The following IRF3 variants were observed in gnomAD, a reference collection of about 807,000 sequenced individuals.
The protein encoded by IRF3 is interferon regulatory factor 3.
Under a neutral mutation model 43.2 loss-of-function variants are expected in IRF3, and 29 were observed. The observed-to-expected ratio is 0.67, with a 90% CI of 0.50 to 0.91. The LOEUF (loss-of-function observed/expected upper bound fraction) is 0.91. Among genes scored for constraint, IRF3 ranks in the 40% least tolerant of loss-of-function variants. The probability of loss-of-function intolerance (pLI) is 0.00; values close to 1 mark genes in which losing one functional copy is unlikely to be tolerated. For missense variants in IRF3, 505 were observed against 559.1 expected, an observed-to-expected ratio of 0.90 and a Z score of 0.98; for synonymous variants, 228 against 233.9, an observed-to-expected ratio of 0.97 and a Z score of 0.23.
intron 4 of IRF3, 61 bp from the exon 5 acceptor site, chr19:49,662,678 T>C: frequency 7.4e-7 from 1 of 1,352,236 alleles, no homozygotes; most frequent in Non-Finnish European, 1.0e-6. Flanking sequence ...AGACTTCATA[T>C]GGACCAGGTC....
At position 49,659,573 on chromosome 19, in the gene IRF3, C is replaced by A; in HGVS notation, c.*75G>T. ...CCAACACCAGACACGCACAAGTGAT[C>A]ATAGCAGGAACCAGTTTATTGGTTG... On this transcript the variant is annotated 3_prime_UTR_variant, in exon 8 of 8. Coordinates refer to ENST00000377139, the MANE Select transcript of IRF3 (RefSeq NM_001571.6). The A allele has an allele frequency of 6.5e-7, 1 of 1,544,440 alleles. No homozygotes were observed. The highest frequency in any genetic ancestry group is 8.7e-7 in the Non-Finnish European group (1 of 1,143,662).
chr19:49,661,418 A>C (rs2081322392), intron 6 of IRF3: 1 of 156,318 alleles, frequency 6.4e-6, no homozygotes, highest in African/African-American at 2.4e-5. Context: ...TAATTCCCTG[A>C]GCAGGCTCTG....
At chr19:49,665,460 T>C in intron 1 of IRF3, 171 bp downstream of exon 1, 1 of 201,046 alleles carries the variant, frequency 5.0e-6, no homozygotes. Flanking sequence ...CCTCCCTACT[T>C]TTTCTAGTTT....
Position 49,662,471 on chromosome 19 carries a change from C to T in IRF3, c.555G>A (p.Leu185=), listed in dbSNP as rs748054650. 1.3e-5 allele frequency: 21 copies of T among 1,592,436 alleles called. No homozygotes were observed. The African/African-American group carries it at 2.4e-4, about 18-fold the overall frequency. ...GCTTCAGTGGGTTCTCAGAGGGCCC[C>T]AGGTTTGGGAAGGGAGTGGGATTGT... ...SLDNPTPFPN[L]GPSENPLKRL... is the part of the protein sequence containing the mutation. The change falls in exon 5 of 8, where the codon CTG becomes CTA. Residue 185 remains leucine (L), a synonymous_variant. Coordinates refer to ENST00000377139, the MANE Select transcript of IRF3 (RefSeq NM_001571.6).
rs571354251 is a variant in IRF3 at position 49,665,639 on chromosome 19, G to C, written c.-17C>G. 1.4e-6 allele frequency: 1 copy of C among 717,600 alleles called. No individual in the cohort carries two copies. The highest frequency in any genetic ancestry group is 2.9e-5 in the Admixed American group (1 of 33,934). The allele number at this position is 717,600 out of a possible 1,614,324, so 44.5% of individuals were successfully genotyped here. ...GGGCTCTTCCGCGTTACCTACGATGGAAGGTCGGGGCGTGCGGGCAGCTGG... is the reference window on the plus strand; with the variant it reads ...GGGCTCTTCCGCGTTACCTACGATGCAAGGTCGGGGCGTGCGGGCAGCTGG... On this transcript the variant is annotated 5_prime_UTR_variant, in exon 1 of 8. Coordinates refer to ENST00000377139, the MANE Select transcript of IRF3 (RefSeq NM_001571.6).
At position 49,665,642 on chromosome 19, in the gene IRF3, G is replaced by A. The variant is rs1037911628; in HGVS notation, c.-20C>T. On this transcript the variant is annotated 5_prime_UTR_variant, in exon 1 of 8. Coordinates refer to ENST00000377139, the MANE Select transcript of IRF3 (RefSeq NM_001571.6). ...CTCTTCCGCGTTACCTACGATGGAA[G>A]GTCGGGGCGTGCGGGCAGCTGGAAC... 6.5e-5 allele frequency: 48 copies of A among 735,826 alleles called. No individual in the cohort carries two copies. The highest frequency in any genetic ancestry group is 3.1e-4 in the South Asian group (16 of 51,786). The allele number at this position is 735,826 out of a possible 1,614,324, so 45.6% of individuals were successfully genotyped here.
Position 49,665,753 on chromosome 19 carries a change from G to C in IRF3, c.-131C>G, listed in dbSNP as rs1400814511. 1 of 1,531,288 alleles carries C rather than the reference G, an allele frequency of 6.5e-7. No homozygotes were observed. Among genetic ancestry groups the C allele is most frequent in the Non-Finnish European group, 8.8e-7 (1 of 1,135,296 alleles). 94.9% of individuals were successfully genotyped at this position (1,531,288 alleles called of 1,614,324 possible). On this transcript the variant is annotated 5_prime_UTR_variant, in exon 1 of 8. Coordinates refer to ENST00000377139, the MANE Select transcript of IRF3 (RefSeq NM_001571.6). ...GTCAGCTGAGCTCTAGAGCGCTGGG[G>C]CTTTCTTTTTGATCGACTTCTTGAA...
rs774859762 is a variant in IRF3, at chr19:49,660,795, G to T, written c.1016C>A (p.Ser339Ter). 1.2e-6 allele frequency: 2 copies of T among 1,608,942 alleles called. No individual in the cohort carries two copies. Among genetic ancestry groups the T allele is most frequent in the Non-Finnish European group, 1.7e-6 (2 of 1,178,012 alleles). The stretch of plus-strand genomic sequence containing the variant: ...ACAGAACCAGAGGGCATAGCGTGGT[G>T]AGCGTCCGCTTCCTTCCGTGAAGGT... ...LITFTEGSGR[S>*]PRYALWFCVG... The change falls in exon 7 of 8, where the codon TCA becomes TAA. Residue 339 changes from serine to a stop codon, truncating the protein, a stop_gained. Transcript: ENST00000377139. LOFTEE classifies it high-confidence loss of function.
Position 49,665,832 on chromosome 19 carries a change from G to C in IRF3, c.-210C>G, listed in dbSNP as rs755216778. 2.5e-6 allele frequency: 4 copies of C among 1,590,730 alleles called. No individual in the cohort carries two copies. In the South Asian group the frequency reaches 4.4e-5, roughly 18 times the overall value. On this transcript the variant is annotated 5_prime_UTR_variant, in exon 1 of 8. Coordinates refer to ENST00000377139, the MANE Select transcript of IRF3 (RefSeq NM_001571.6). ...AACAGACCCAAAAGCCGATGGGACG[G>C]CCCGCTGGGCTGTTCCCGCCCCTAT...
At chr19:49,664,182 C>T (rs1192866862) in intron 2 of IRF3, among the ~76,000 whole-genome samples, 4 of 152,158 alleles carry the variant, frequency 2.6e-5, no homozygotes, top group African/African-American at 9.7e-5. Context: ...CCTTTTCTTT[C>T]TAAGCCAGGC....
Position 49,659,612 on chromosome 19 carries a change from CAG to C in IRF3, c.*34_*35del, listed in dbSNP as rs1491168519. 220 of 1,588,060 alleles carry C rather than the reference CAG, an allele frequency of 1.4e-4. No homozygotes were observed. In the African/African-American group the frequency reaches 2.4e-3, roughly 18 times the overall value. ...GTTTATTGGTTGAGGTGGTGGGGAACAGGGGGGTTGGAGGCACACCATGAGGA... is the reference window on the plus strand; with the variant it reads ...GTTTATTGGTTGAGGTGGTGGGGAACGGGGGTTGGAGGCACACCATGAGGA... On this transcript the variant is annotated 3_prime_UTR_variant, in exon 8 of 8. Coordinates refer to ENST00000377139, the MANE Select transcript of IRF3 (RefSeq NM_001571.6).
chr19:49,661,029 C>A, intron 6 of IRF3: 1 of 574,906 alleles, frequency 1.7e-6, no homozygotes, highest in Non-Finnish European at 3.1e-6. Context: ...GAAGGCCACA[C>A]CCCCAAGCCC....
intron 1 of IRF3, 25 bp from the exon 2 acceptor site, chr19:49,664,871 G>A (rs2081586692): frequency 1.3e-6 from 2 of 1,592,672 alleles, no homozygotes; most frequent in Non-Finnish European, 8.6e-7. Flanking sequence ...CATTTCCTGG[G>A]CGCGACCGGC....
rs758520295 is a variant in IRF3, at chr19:49,662,077, G to A, written c.853C>T (p.Arg285Trp). 3.7e-6 allele frequency: 6 copies of A among 1,613,700 alleles called. No homozygotes were observed. The highest frequency in any genetic ancestry group is 2.5e-6 in the Non-Finnish European group (3 of 1,179,792). Residue 285 changes from arginine (R) to tryptophan (W), a missense_variant, in exon 6 of 8, where the codon CGG (arginine) becomes TGG (tryptophan). Transcript: ENST00000377139. ...CAGTATGTGTGGCAGTGCCCCAGCC[G>A]CTGGGCCCAGAGCCACTGCCCGGCC... ...WRAGQWLWAQ[R>W]LGHCHTYWAV...
intron 2 of IRF3, 123 bp downstream of exon 2, chr19:49,664,551 A>G: frequency 7.1e-7 from 1 of 1,399,930 alleles, no homozygotes; most frequent in Non-Finnish European, 9.5e-7. Flanking sequence ...AGCCCCACCC[A>G]CCAGCGTTGG....
chr19:49,663,559 A>C, intron 2 of IRF3, 45 bp from the exon 3 acceptor site: 1 of 1,595,626 alleles, frequency 6.3e-7, no homozygotes, highest in Non-Finnish European at 8.6e-7. Context: ...GACGACTTAG[A>C]TCCTGCTCCT....
chr19:49,660,020 C>CAG (rs1011823705), intron 7 of IRF3, among the ~76,000 whole-genome samples, 187 bp from the exon 8 acceptor site: 2 of 121,646 alleles, frequency 1.6e-5, no homozygotes, highest in Non-Finnish European at 3.3e-5. Flanking sequence ...CACACACACA[C>CAG]ACACACACCC....
At position 49,662,125 on chromosome 19, in the gene IRF3, C is replaced by T. The variant is rs775493705; in HGVS notation, c.805G>A (p.Gly269Ser). ...GCCCGCCAGAGAGCCAGTCCCCCAC[C>T]CAGGCAGCTCAGCACATGCCTCACG... ...SYVRHVLSCL[G>S]GGLALWRAGQ... is the part of the protein sequence containing the mutation. Residue 269 changes from glycine (G) to serine (S), a missense_variant, in exon 6 of 8, where the codon GGT (glycine) becomes AGT (serine). Gly to Ser is a moderately conservative substitution (Grantham distance 56). Transcript: ENST00000377139. The T allele has an allele frequency of 5.6e-6, 9 of 1,613,854 alleles. No homozygotes were observed. The East Asian group carries it at 1.8e-4, about 32-fold the overall frequency.
intron 7 of IRF3, among the ~76,000 whole-genome samples, 189 bp from the exon 8 acceptor site, chr19:49,660,022 CACACA>C (rs1568451849): frequency 1.1e-4 from 13 of 120,456 alleles, no homozygotes; most frequent in Middle Eastern, 4.1e-3. Flanking sequence ...CACACACACA[CACACA>C]CCCCCTGCTG....
Sources: allele counts gnomAD v4.1 joint callset (sites outside exome capture counted in the v4.1 genomes callset), GRCh38; gene constraint gnomAD v4.1.1; transcripts MANE v1.5; gene names NCBI Gene and HGNC (gene_info 2026-07-23, HGNC 2026-07-21).